RALGPS1: variants seen among roughly 807,000 people sequenced by gnomAD.
The protein encoded by RALGPS1 is Ral GEF with PH domain and SH3 binding motif 1.
A neutral mutation model predicts 78.8 loss-of-function variants in RALGPS1; 19 were observed. The observed-to-expected ratio is 0.24, with a 90% confidence interval of 0.17 to 0.35. The LOEUF (loss-of-function observed/expected upper bound fraction) is 0.35. Among genes scored for constraint, RALGPS1 ranks in the 10% least tolerant of loss-of-function variants. RALGPS1 has a pLI of 1.00. For synonymous variants in RALGPS1, 228 were observed against 256.3 expected (o/e 0.89, Z 1.06); for missense variants, 454 against 688.3 (o/e 0.66, Z 3.81).
At chr9:126,924,852 G>A (rs1352080964) in intron 1 of RALGPS1, among the ~76,000 whole-genome samples, 2 of 152,232 alleles carry the variant, frequency 1.3e-5, no homozygotes, top group Admixed American at 6.5e-5. Flanking sequence ...CAGGCCGGGC[G>A]TGGTGGCTGA....
At chr9:127,101,343 T>C (rs1313095518) in intron 8 of RALGPS1, among the ~76,000 whole-genome samples, 1 of 152,226 alleles carries the variant, frequency 6.6e-6, no homozygotes, top group Admixed American at 6.5e-5. Context: ...CCACCTTCTG[T>C]GCTGCAGTTA....
intron 11 of RALGPS1, chr9:127,178,189 C>A: frequency 2.1e-6 from 1 of 470,990 alleles, no homozygotes. Context: ...AGAAAAATCC[C>A]TGGCCTCCCT....
intron 4 of RALGPS1, among the ~76,000 whole-genome samples, chr9:127,002,883 T>C (rs2043470252): frequency 1.3e-5 from 2 of 152,160 alleles, no homozygotes; most frequent in Non-Finnish European, 1.5e-5. Context: ...TCTTTGCTAT[T>C]GTGAATAATG....
intron 8 of RALGPS1, chr9:127,088,817 C>T: frequency 8.6e-7 from 1 of 1,160,262 alleles, no homozygotes; most frequent in Non-Finnish European, 1.3e-6. Flanking sequence ...AAAACAGAAT[C>T]CAGCATCCCG....
intron 8 of RALGPS1, among the ~76,000 whole-genome samples, chr9:127,081,191 G>A (rs1589361318): frequency 6.6e-6 from 1 of 152,018 alleles, no homozygotes; most frequent in South Asian, 2.1e-4. Context: ...ATTATCCACC[G>A]TGTTTTATTT....
intron 1 of RALGPS1, among the ~76,000 whole-genome samples, chr9:126,921,948 T>C (rs2034808268): frequency 6.6e-6 from 1 of 152,218 alleles, no homozygotes; most frequent in Non-Finnish European, 1.5e-5. Flanking sequence ...TATGAGTTAC[T>C]GCACAAGCAA....
intron 8 of RALGPS1, among the ~76,000 whole-genome samples, chr9:127,101,237 C>G (rs1206426863): frequency 6.6e-6 from 1 of 152,246 alleles, no homozygotes; most frequent in Non-Finnish European, 1.5e-5. Context: ...CACACCGTTT[C>G]ATTTCATCCT....
intron 3 of RALGPS1, among the ~76,000 whole-genome samples, chr9:126,966,520 C>CAAAAAAAAAAAAAAAAAA (rs756980868): frequency 1.9e-5 from 1 of 53,414 alleles, no homozygotes; most frequent in Non-Finnish European, 4.0e-5. Context: ...AACCCTGTCT[C>CAAAAAAAAAAAAAAAAAA]AAAAAAAAAA....
At chr9:127,215,817 C>G (rs948456253) in intron 18 of RALGPS1, among the ~76,000 whole-genome samples, 5 of 152,358 alleles carry the variant, frequency 3.3e-5, no homozygotes, top group African/African-American at 4.8e-5. Context: ...GCTCCTGTCC[C>G]TAAGTGTCCA....
intron 14 of RALGPS1, among the ~76,000 whole-genome samples, chr9:127,203,567 A>G (rs906397887): frequency 1.3e-5 from 2 of 151,252 alleles, no homozygotes; most frequent in Non-Finnish European, 2.9e-5. Context: ...GTAGTGGGTG[A>G]GGGAAGTGAG....
chr9:127,009,286 G>A lies in RALGPS1; in HGVS notation c.217-25145G>A, dbSNP rs146132684. Among the ~76,000 whole-genome samples, 61 of 152,196 alleles carry A rather than the reference G, an allele frequency of 4.0e-4. No individual in the cohort carries two copies. In the East Asian group the frequency reaches 0.01, roughly 25 times the overall value. On this transcript the variant is annotated intron_variant, in intron 4 of 18. Transcript: ENST00000259351. ...AGCCTCTTCCAGCTTTCCCCTGAAC[G>A]ACTCTTTGTTCCCCCCTCATCCTTT...
chr9:127,131,399 T>TA lies in RALGPS1; in HGVS notation c.611-34669dup, dbSNP rs533606938. Among the ~76,000 whole-genome samples, 4 of 152,338 alleles carry TA rather than the reference T, an allele frequency of 2.6e-5. No individual in the cohort carries two copies. The South Asian group carries it at 8.3e-4, about 32-fold the overall frequency. ...TTGAAGCTTGCAAGACCTCTGTTCT[T>TA]ATGTAACAGCCAACAGCCGCCATCT... On this transcript the variant is annotated intron_variant, in intron 8 of 18. Transcript: ENST00000259351.
intron 14 of RALGPS1, among the ~76,000 whole-genome samples, chr9:127,200,115 C>G (rs555670878): frequency 6.6e-6 from 1 of 152,236 alleles, no homozygotes; most frequent in South Asian, 2.1e-4. Flanking sequence ...TGCATGTACC[C>G]TCTCACACAT....
At chr9:127,010,869 G>A (rs2044276188) in intron 4 of RALGPS1, among the ~76,000 whole-genome samples, 1 of 152,200 alleles carries the variant, frequency 6.6e-6, no homozygotes, top group Non-Finnish European at 1.5e-5. Context: ...CCCCTTATGA[G>A]AGAGCTCATT....
intron 2 of RALGPS1, among the ~76,000 whole-genome samples, chr9:126,963,373 A>G (rs556336390): frequency 6.6e-6 from 1 of 152,192 alleles, no homozygotes; most frequent in Admixed American, 6.5e-5. Context: ...GTATATATAT[A>G]TATTTGAGTG....
chr9:127,206,752 T>G (rs1330555882), intron 14 of RALGPS1, among the ~76,000 whole-genome samples: 1 of 152,172 alleles, frequency 6.6e-6, no homozygotes, highest in East Asian at 1.9e-4. Context: ...AAACAGGGAC[T>G]TAGGGCTTTA....
intron 17 of RALGPS1, 40 bp from the exon 18 acceptor site, chr9:127,214,711 C>T (rs373021395): frequency 1.9e-6 from 3 of 1,579,566 alleles, no homozygotes; most frequent in African/African-American, 1.4e-5. Flanking sequence ...GACCCTCCTA[C>T]GTGGCCCTCT....
At chr9:127,006,838 G>A (rs2043877652) in intron 4 of RALGPS1, among the ~76,000 whole-genome samples, 1 of 151,754 alleles carries the variant, frequency 6.6e-6, no homozygotes, top group African/African-American at 2.4e-5. Context: ...AGCATACTTT[G>A]TGTTATAGTT....
intron 4 of RALGPS1, among the ~76,000 whole-genome samples, chr9:127,019,907 C>T (rs1305836851): frequency 6.6e-6 from 1 of 152,098 alleles, no homozygotes; most frequent in African/African-American, 2.4e-5. Context: ...TACTACTAAG[C>T]TTCTAAGTTG....
Sources: allele counts gnomAD v4.1 joint callset (sites outside exome capture counted in the v4.1 genomes callset), GRCh38; gene constraint gnomAD v4.1.1; transcripts MANE v1.5; gene names NCBI Gene and HGNC (gene_info 2026-07-23, HGNC 2026-07-21).